UAP1: variants seen among roughly 807,000 people sequenced by gnomAD.
The protein encoded by UAP1 is UDP-N-acetylglucosamine pyrophosphorylase 1.
A neutral mutation model predicts 58.5 loss-of-function variants in UAP1; 25 were observed. The ratio of observed to expected loss-of-function variants is 0.43; its 90% confidence interval spans 0.31 to 0.60. The LOEUF is 0.60. Ranked by LOEUF, UAP1 falls within the 20% of genes least tolerant of loss-of-function variation. The pLI, the probability that UAP1 is intolerant of heterozygous loss-of-function variation, is 0.11. For missense variants in UAP1, 575 were observed against 630.0 expected, an observed-to-expected ratio of 0.91 and a Z score of 0.93; for synonymous variants, 208 against 213.0, an observed-to-expected ratio of 0.98 and a Z score of 0.21.
chr1:162,590,902 A>G (rs1040584402), intron 8 of UAP1, among the ~76,000 whole-genome samples: 6 of 149,848 alleles, frequency 4.0e-5, no homozygotes, highest in Non-Finnish European at 8.9e-5. Context: ...GTTGTTGCCC[A>G]TATATCTGTG....
rs866260045 is a variant in UAP1, at chr1:162,569,648, A to G, written c.280+3300A>G. ...ATGCTTATTTGAACACAGATCTACCAATTTTATATTACAATATCTAATTAG... is the reference window on the plus strand; with the variant it reads ...ATGCTTATTTGAACACAGATCTACCGATTTTATATTACAATATCTAATTAG... On this transcript the variant is annotated intron_variant, in intron 2 of 10. Coordinates refer to ENST00000271469, the Ensembl canonical transcript of UAP1. 5.3e-5 allele frequency among the ~76,000 whole-genome samples: 8 copies of G among 152,182 alleles called. No homozygotes were observed. In the South Asian group the frequency reaches 1.7e-3, roughly 31 times the overall value.
rs1195789973 is a variant in UAP1 at position 162,581,475 on chromosome 1, ACTAT to A, written c.834+17_834+20del. ...TGGAGCAAAGGTAATGCCTTTCTCA[ACTAT>A]GGTGAGGCTTTTGATGGTCTTGCTC... On this transcript the variant is annotated intron_variant, in intron 5 of 10. Transcript: ENST00000271469. The A allele has an allele frequency of 1.9e-6, 3 of 1,608,612 alleles. No homozygotes were observed. In the African/African-American group the frequency reaches 4.0e-5, roughly 22 times the overall value.
At chr1:162,574,261 T>A (rs1654042569) in intron 2 of UAP1, among the ~76,000 whole-genome samples, 1 of 151,814 alleles carries the variant, frequency 6.6e-6, no homozygotes, top group Non-Finnish European at 1.5e-5. Flanking sequence ...CCCAGCTAAT[T>A]TTTGTATTTT....
At chr1:162,579,349 C>G (rs915162587) in intron 3 of UAP1, 79 bp from the exon 4 acceptor site, 31 of 1,078,440 alleles carry the variant, frequency 2.9e-5, no homozygotes, top group Non-Finnish European at 3.7e-6. Context: ...ATATCTTTAG[C>G]TTAGGAAATA....
chr1:162,577,278 T>C (rs1654248412), intron 3 of UAP1, among the ~76,000 whole-genome samples: 1 of 151,764 alleles, frequency 6.6e-6, no homozygotes, highest in South Asian at 2.1e-4. Flanking sequence ...CCAGGTTATT[T>C]AGCTCTCCCA....
chr1:162,589,149 A>T (rs1427580233), intron 7 of UAP1, among the ~76,000 whole-genome samples: 4 of 94,814 alleles, frequency 4.2e-5, no homozygotes, highest in Admixed American at 1.7e-4. Flanking sequence ...TATTTATATA[A>T]TATATATTAT....
At chr1:162,579,955 A>G (rs1654481155) in intron 4 of UAP1, among the ~76,000 whole-genome samples, 1 of 152,020 alleles carries the variant, frequency 6.6e-6, no homozygotes, top group Admixed American at 6.6e-5. Flanking sequence ...ACCTCTGCCT[A>G]CTGGGTTCAA....
exon 2 of UAP1, chr1:162,566,046 C>A: frequency 6.2e-7 from 1 of 1,602,020 alleles, no homozygotes; most frequent in Non-Finnish European, 8.5e-7. Context: ...CCTATTTCTA[C>A]AAAGCTTGGC....
At chr1:162,564,186 CAT>C (rs1491551749) in intron 1 of UAP1, among the ~76,000 whole-genome samples, 1 of 152,102 alleles carries the variant, frequency 6.6e-6, no homozygotes, top group African/African-American at 2.4e-5. Context: ...CCATAATGAA[CAT>C]TGAAAGCTGA....
Position 162,588,853 on chromosome 1 carries a change from A to C in UAP1, c.1169+20A>C. ...TGCAAAGTATGCTTTGAATAGTACC[A>C]ATAAGGTTAAATAAATGTCTTAAAA... is the stretch of plus-strand genomic sequence containing the variant. On this transcript the variant is annotated intron_variant, in intron 7 of 10. Transcript: ENST00000271469. 6.3e-7 allele frequency: 1 copy of C among 1,580,228 alleles called. No homozygotes were observed. The highest frequency in any genetic ancestry group is 2.3e-5 in the East Asian group (1 of 43,924).
At chr1:162,580,237 C>T (rs1404983480) in intron 4 of UAP1, among the ~76,000 whole-genome samples, 1 of 152,124 alleles carries the variant, frequency 6.6e-6, no homozygotes, top group African/African-American at 2.4e-5. Flanking sequence ...AACTTGGAAA[C>T]CATATGCTAT....
At chr1:162,570,541 G>A (rs944030078) in intron 2 of UAP1, among the ~76,000 whole-genome samples, 22 of 151,814 alleles carry the variant, frequency 1.4e-4, no homozygotes, top group African/African-American at 5.3e-4. Flanking sequence ...ATATAGTTTG[G>A]TATCTATGTC....
intron 2 of UAP1, among the ~76,000 whole-genome samples, chr1:162,572,104 A>G (rs1653900602): frequency 1.3e-5 from 2 of 152,238 alleles, no homozygotes; most frequent in African/African-American, 4.8e-5. Flanking sequence ...ATGGATATCT[A>G]CCTGGTAGTG....
At chr1:162,585,157 T>C (rs1654826349) in intron 5 of UAP1, among the ~76,000 whole-genome samples, 1 of 152,116 alleles carries the variant, frequency 6.6e-6, no homozygotes, top group Non-Finnish European at 1.5e-5. Flanking sequence ...CCCGGAGTGC[T>C]GGGATTATAG....
At position 162,591,847 on chromosome 1, in the gene UAP1, C is replaced by T. The variant is rs182374534; in HGVS notation, c.1359-885C>T. Among the ~76,000 whole-genome samples the T allele has an allele frequency of 1.7e-4, 26 of 151,758 alleles. No individual in the cohort carries two copies. In the East Asian group the frequency reaches 1.7e-3, roughly 10 times the overall value. ...TCACCCAGGCTGGAGTGCAGTGGCGCGATCTTGGCTCACTGCAACCTTCAC... is the reference window on the plus strand; with the variant it reads ...TCACCCAGGCTGGAGTGCAGTGGCGTGATCTTGGCTCACTGCAACCTTCAC... On this transcript the variant is annotated intron_variant, in intron 8 of 10. Coordinates refer to ENST00000271469, the Ensembl canonical transcript of UAP1.
Position 162,592,559 on chromosome 1 carries a change from T to A in UAP1, c.1359-173T>A, listed in dbSNP as rs551314035. 1.6e-4 allele frequency among the ~76,000 whole-genome samples: 25 copies of A among 152,304 alleles called. No individual in the cohort carries two copies. In the South Asian group the frequency reaches 4.8e-3, roughly 29 times the overall value. The stretch of plus-strand genomic sequence containing the variant: ...CATGTCACATTGTCCTCATGTTTCA[T>A]CTTTGGCCATTGAGTTTTATTTTTA... On this transcript the variant is annotated intron_variant, in intron 8 of 10. Transcript: ENST00000271469.
intron 8 of UAP1, 58 bp downstream of exon 8, chr1:162,590,569 CTT>C: frequency 7.1e-7 from 1 of 1,403,216 alleles, no homozygotes. Context: ...TCCTCTTGGA[CTT>C]CTCTCTCTCT....
intron 2 of UAP1, among the ~76,000 whole-genome samples, chr1:162,570,333 G>T (rs750636297): frequency 2.0e-5 from 3 of 152,014 alleles, no homozygotes; most frequent in Non-Finnish European, 4.4e-5. Context: ...GCCTGCACAA[G>T]AATTTATCAT....
intron 9 of UAP1, among the ~76,000 whole-genome samples, chr1:162,594,424 A>T (rs1291840042): frequency 6.6e-6 from 1 of 152,058 alleles, no homozygotes; most frequent in East Asian, 1.9e-4. Context: ...ATGAAGCTTT[A>T]CTCACTTGCC....
Sources: gnomAD v4.1 joint callset for allele counts (sites outside exome capture counted in the v4.1 genomes callset) on GRCh38, gnomAD v4.1.1 for gene constraint, MANE v1.5 for transcripts, NCBI Gene and HGNC (gene_info 2026-07-23, HGNC 2026-07-21) for gene names.